Variants in RIN2 observed in about 807,000 individuals in gnomAD.
The protein encoded by RIN2 is RAB5 interacting protein 2.
A neutral mutation model predicts 78.0 loss-of-function variants in RIN2; 36 were observed. The ratio of observed to expected loss-of-function variants is 0.46; its 90% CI spans 0.35 to 0.61. The LOEUF is 0.61. RIN2 is among the 20% of genes least tolerant of loss of function. The probability of loss-of-function intolerance (pLI) is 0.00; values close to 1 mark genes in which losing one functional copy is unlikely to be tolerated. For missense variants in RIN2, 1,087 were observed against 1,159.7 expected, an observed-to-expected ratio of 0.94 and a Z score of 0.91; for synonymous variants, 466 against 466.8, an observed-to-expected ratio of 1.00 and a Z score of 0.02.
Position 19,974,938 on chromosome 20 carries a change from C to A in RIN2, c.913C>A (p.Arg305=). 3 of 1,613,558 alleles carry A rather than the reference C, an allele frequency of 1.9e-6. No individual in the cohort carries two copies. The highest frequency in any genetic ancestry group is 1.7e-6 in the Non-Finnish European group (2 of 1,179,708). The change falls in exon 9 of 13, where the codon CGG becomes AGG. Residue 305 remains arginine (R), a synonymous_variant. Transcript: ENST00000255006. ...CAACGCGAATGGCACGGAGCGGACTCGGTCCCCCCCACCCAGGCCCCCGCC... is the reference window on the plus strand; with the variant it reads ...CAACGCGAATGGCACGGAGCGGACTAGGTCCCCCCCACCCAGGCCCCCGCC... ...TPNANGTERT[R]SPPPRPPPPA... is the part of the protein sequence containing the mutation.
At chr20:19,852,774 G>T (rs1568816759) in intron 2 of RIN2, among the ~76,000 whole-genome samples, 1 of 152,084 alleles carries the variant, frequency 6.6e-6, no homozygotes. Context: ...GGGAATTAAG[G>T]TCTCTAAGAT....
At chr20:19,801,585 T>G (rs2035244884) in intron 2 of RIN2, among the ~76,000 whole-genome samples, 3 of 152,046 alleles carry the variant, frequency 2.0e-5, no homozygotes, top group Admixed American at 2.0e-4. Context: ...CCTCCCAAAG[T>G]GCTGGGATTA....
chr20:19,950,455 A>T (rs977275334), intron 4 of RIN2, among the ~76,000 whole-genome samples: 1 of 152,246 alleles, frequency 6.6e-6, no homozygotes, highest in Non-Finnish European at 1.5e-5. Flanking sequence ...TTCAAACATT[A>T]TGGAAAAGTT....
Position 19,767,208 on chromosome 20 carries a change from A to G in RIN2, c.-163+8881A>G, listed in dbSNP as rs766710740. Among the ~76,000 whole-genome samples, 6 of 152,292 alleles carry G rather than the reference A, an allele frequency of 3.9e-5. No individual in the cohort carries two copies. The South Asian group carries it at 8.3e-4, about 21-fold the overall frequency. ...GAAATGTGACTGGACAAACAGTCTG[A>G]TTGAGTGCGAACAGACTGCTTGGGG... On this transcript the variant is annotated intron_variant, in intron 1 of 12. Transcript: ENST00000255006.
At position 19,758,885 on chromosome 20, in the gene RIN2, TC is replaced by T. The variant is rs932734064; in HGVS notation, c.-163+560del. 1.6e-4 allele frequency among the ~76,000 whole-genome samples: 24 copies of T among 152,270 alleles called. 2 individuals carry two copies. The highest frequency in any genetic ancestry group is 5.8e-4 in the African/African-American group (24 of 41,554). Reference sequence around the variant, plus strand: ...AGGGCAGATGCTCCGACCGGAGATTTCCTCCCCCGGGTGGAAAAGCAGGAGG... The same window carrying T: ...AGGGCAGATGCTCCGACCGGAGATTTCTCCCCCGGGTGGAAAAGCAGGAGG... On this transcript the variant is annotated intron_variant, in intron 1 of 12. Coordinates refer to ENST00000255006, the MANE Select transcript of RIN2 (RefSeq NM_018993.4).
intron 4 of RIN2, among the ~76,000 whole-genome samples, chr20:19,949,966 C>T (rs192142461): frequency 3.6e-4 from 55 of 152,298 alleles, no homozygotes; most frequent in Admixed American, 1.5e-3. Flanking sequence ...ATCACTTACT[C>T]TCCCACCTGC....
intron 1 of RIN2, among the ~76,000 whole-genome samples, chr20:19,764,366 C>T (rs1568730593): frequency 3.0e-5 from 4 of 133,474 alleles, no homozygotes; most frequent in South Asian, 4.9e-4. Flanking sequence ...CTTTGAGTCT[C>T]GGAAAGTCAG....
rs11455546 is a variant in RIN2 at position 19,989,272 on chromosome 20, CTTTTTTTTT to C, written c.1763-723_1763-715del. On this transcript the variant is annotated intron_variant, in intron 9 of 12. Coordinates refer to ENST00000255006, the MANE Select transcript of RIN2 (RefSeq NM_018993.4). Reference sequence around the variant, plus strand: ...TGGATCTATTTCCTCAGAAAACATTCTTTTTTTTTTTTTTTTTTTGAGATGGAGTATCAC... The same window carrying C: ...TGGATCTATTTCCTCAGAAAACATTCTTTTTTTTTTGAGATGGAGTATCAC... Among the ~76,000 whole-genome samples, 76 of 109,362 alleles carry C rather than the reference CTTTTTTTTT, an allele frequency of 6.9e-4. 1 individual carries two copies. The East Asian group carries it at 0.017, about 25-fold the overall frequency. The allele number at this position is 109,362 out of a possible 152,430, so 71.7% of individuals were successfully genotyped here.
chr20:19,798,034 G>A (rs963537841), intron 1 of RIN2, among the ~76,000 whole-genome samples: 2 of 151,078 alleles, frequency 1.3e-5, no homozygotes. Flanking sequence ...TGTATTTTCA[G>A]TAGAGATGGG....
intron 3 of RIN2, among the ~76,000 whole-genome samples, chr20:19,909,538 G>T (rs1374655186): frequency 2.0e-5 from 3 of 151,944 alleles, no homozygotes; most frequent in African/African-American, 7.3e-5. Flanking sequence ...TCTCTGTGTT[G>T]AGCCCCGGCA....
chr20:19,879,499 A>G (rs2037955081), intron 2 of RIN2, among the ~76,000 whole-genome samples: 1 of 152,186 alleles, frequency 6.6e-6, no homozygotes, highest in Admixed American at 6.5e-5. Context: ...CCGTGGGCTT[A>G]CAAGGAAGAC....
chr20:19,993,475 C>T (rs1005754351), intron 11 of RIN2, among the ~76,000 whole-genome samples: 2 of 152,010 alleles, frequency 1.3e-5, no homozygotes, highest in Non-Finnish European at 2.9e-5. Context: ...GTCGGAGGGA[C>T]CGCCCTCCTT....
chr20:19,945,934 A>T (rs2146184906), intron 4 of RIN2, among the ~76,000 whole-genome samples: 1 of 152,352 alleles, frequency 6.6e-6, no homozygotes, highest in African/African-American at 2.4e-5. Flanking sequence ...TGATAAGCAC[A>T]GAAACAAGAA....
At chr20:19,988,481 A>G (rs1350890752) in intron 9 of RIN2, among the ~76,000 whole-genome samples, 1 of 152,240 alleles carries the variant, frequency 6.6e-6, no homozygotes, top group Non-Finnish European at 1.5e-5. Flanking sequence ...ATGGAATAAA[A>G]TTAAGGTGTC....
At chr20:19,828,058 G>A (rs770329081) in intron 2 of RIN2, among the ~76,000 whole-genome samples, 2 of 152,048 alleles carry the variant, frequency 1.3e-5, no homozygotes, top group Non-Finnish European at 2.9e-5. Flanking sequence ...TCACCTGCTT[G>A]TGATACCTCT....
chr20:19,758,168 C>T (rs552948958), upstream of RIN2: 1 of 150,944 alleles, frequency 6.6e-6, no homozygotes, highest in Non-Finnish European at 1.5e-5. Context: ...CCCTCCTCCT[C>T]TTTCCTCTCC....
chr20:19,851,127 G>A (rs982145456), intron 2 of RIN2, among the ~76,000 whole-genome samples: 1 of 152,090 alleles, frequency 6.6e-6, no homozygotes, highest in Non-Finnish European at 1.5e-5. Context: ...GAAAAAGGGC[G>A]AATTTGCCTA....
chr20:19,925,306 A>G (rs2146074215), intron 3 of RIN2, among the ~76,000 whole-genome samples: 1 of 152,358 alleles, frequency 6.6e-6, no homozygotes, highest in Non-Finnish European at 1.5e-5. Flanking sequence ...ACAAATAAAT[A>G]AATACATCAT....
At chr20:19,842,387 CTTTTTTTTT>C (rs139642869) in intron 2 of RIN2, among the ~76,000 whole-genome samples, 16 of 46,198 alleles carry the variant, frequency 3.5e-4, no homozygotes, top group Admixed American at 1.2e-3. Flanking sequence ...CCATCCCTGG[CTTTTTTTTT>C]TTTTTTTTTT....
Sources: allele counts gnomAD v4.1 joint callset (sites outside exome capture counted in the v4.1 genomes callset), GRCh38; gene constraint gnomAD v4.1.1; transcripts MANE v1.5; gene names NCBI Gene and HGNC (gene_info 2026-07-23, HGNC 2026-07-21).